CSF1R: variants seen among roughly 807,000 people sequenced by gnomAD.
CSF1R encodes the protein macrophage colony-stimulating factor 1 receptor.
A neutral mutation model predicts 110.0 loss-of-function variants in CSF1R; 40 were observed. The observed-to-expected ratio is 0.36, with a 90% CI of 0.28 to 0.47. CSF1R has a LOEUF of 0.47. CSF1R is among the 20% of genes least tolerant of loss of function. CSF1R has a pLI of 0.99. For missense variants in CSF1R, 1,052 were observed against 1,253.0 expected (o/e 0.84, Z 2.42); for synonymous variants, 523 against 503.4 (o/e 1.04, Z -0.52).
rs150843294 is a variant in CSF1R at position 150,085,148 on chromosome 5, G to A, written c.49+1231C>T. On this transcript the variant is annotated intron_variant, in intron 1 of 20. Coordinates refer to ENST00000675795, the MANE Select transcript of CSF1R (RefSeq NM_001288705.3). Reference sequence around the variant, plus strand: ...ACAAAAATTAGCCAGTCATGATGGTGTATGCCTGTAATCCCAGCTTGGGAG... The same window carrying A: ...ACAAAAATTAGCCAGTCATGATGGTATATGCCTGTAATCCCAGCTTGGGAG... Among the ~76,000 whole-genome samples, 188 of 151,990 alleles carry A rather than the reference G, an allele frequency of 1.2e-3. No homozygotes were observed. In the Middle Eastern group the frequency reaches 0.017, roughly 14 times the overall value.
At chr5:150,113,118 C>G (rs534015168) in intron 1 of CSF1R, 2 of 152,432 alleles carry the variant, frequency 1.3e-5, no homozygotes, top group South Asian at 4.1e-4. Flanking sequence ...GGCCTGGGCT[C>G]GGCAGGAGAG....
intron 10 of CSF1R, among the ~76,000 whole-genome samples, chr5:150,065,544 GC>G (rs956584989): frequency 6.6e-6 from 1 of 152,218 alleles, no homozygotes; most frequent in Non-Finnish European, 1.5e-5. Context: ...CTTTCCCCAG[GC>G]CTGGGCAATG....
chr5:150,054,145 C>A lies in CSF1R; in HGVS notation c.2843G>T (p.Ser948Ile), dbSNP rs1205127061. Residue 948 changes from serine (S) to isoleucine (I), a missense_variant, in exon 21 of 21, where the codon AGT becomes ATT. Physicochemically the swap from Ser to Ile is moderately radical, Grantham distance 142. This residue lies in a region of CSF1R where 85 missense variants were observed against 78.8 expected (regional missense o/e 1.08). Coordinates refer to ENST00000675795, the MANE Select transcript of CSF1R (RefSeq NM_001288705.3). ...TTGCTCGCAGCAGGTCAGGTGCTCA[C>A]TAGAGCTCTCCTCCTCCAGCTCACT... Reference protein sequence around the residue: ...SSSELEEESSSEHLTCCEQGD... With the variant: ...SSSELEEESSIEHLTCCEQGD... 1 of 1,613,842 alleles carries A rather than the reference C, an allele frequency of 6.2e-7. No individual in the cohort carries two copies. Among genetic ancestry groups the A allele is most frequent in the Admixed American group, 1.7e-5 (1 of 59,994 alleles).
At position 150,083,663 on chromosome 5, in the gene CSF1R, A is replaced by G. The variant is rs531657726; in HGVS notation, c.50-2639T>C. 6.1e-3 allele frequency among the ~76,000 whole-genome samples: 934 copies of G among 152,046 alleles called. 13 individuals carry two copies. The highest frequency in any genetic ancestry group is 0.021 in the African/African-American group (865 of 41,426). ...ATGCCCCTGTGAAGGGAAAATAAAA[A>G]CTTGGGACCCTAATTCACTCTGCCA... On this transcript the variant is annotated intron_variant, in intron 1 of 20. Transcript: ENST00000675795.
At chr5:150,107,032 C>T (rs561187382) in intron 1 of CSF1R, among the ~76,000 whole-genome samples, 1 of 152,344 alleles carries the variant, frequency 6.6e-6, no homozygotes, top group South Asian at 2.1e-4. Flanking sequence ...CCCTCTACAC[C>T]TGGCCCTGCC....
chr5:150,084,826 C>A (rs1758763277), intron 1 of CSF1R, among the ~76,000 whole-genome samples: 1 of 152,134 alleles, frequency 6.6e-6, no homozygotes, highest in Admixed American at 6.5e-5. Context: ...TTTTGCCCCA[C>A]AGGCAGGTTG....
chr5:150,090,507 T>C (rs1031771317), upstream of CSF1R, among the ~76,000 whole-genome samples: 4 of 152,206 alleles, frequency 2.6e-5, no homozygotes, highest in Non-Finnish European at 5.9e-5. Context: ...AGTTTTGCCT[T>C]TTCCACAATG....
Position 150,070,282 on chromosome 5 carries a change from T to C in CSF1R, c.1219A>G (p.Ile407Val). The change falls in exon 8 of 21, where the codon ATA becomes GTA. Residue 407 changes from isoleucine to valine, a missense_variant. By Grantham distance (29) the Ile-to-Val change is conservative. Around this residue, in one of 5 missense-constraint regions of CSF1R, gnomAD observed 693 missense variants for 735.4 expected, o/e 0.94. Coordinates refer to ENST00000675795, the MANE Select transcript of CSF1R (RefSeq NM_001288705.3). ...TLRYPPEVSV[I>V]WTFINGSGTL... Reference sequence around the variant, plus strand: ...CCAGAGCCGTTGATGAATGTCCATATGACGCTTACCTCTGGGGGGTCTGAG... The same window carrying C: ...CCAGAGCCGTTGATGAATGTCCATACGACGCTTACCTCTGGGGGGTCTGAG... 1 of 1,614,132 alleles carries C rather than the reference T, an allele frequency of 6.2e-7. No homozygotes were observed. Among genetic ancestry groups the C allele is most frequent in the Non-Finnish European group, 8.5e-7 (1 of 1,179,992 alleles).
rs1214786236 is a variant in CSF1R at position 150,086,368 on chromosome 5, T to C, written c.49+11A>G. On this transcript the variant is annotated intron_variant, in intron 1 of 20. Transcript: ENST00000675795. The stretch of plus-strand genomic sequence containing the variant: ...CCCAACAAAGTCCCCCACCCCCCGT[T>C]CTGCTCTTACCATGCCAAGCTGTGG... The C allele has an allele frequency of 6.2e-7, 1 of 1,603,446 alleles. No homozygotes were observed. The highest frequency in any genetic ancestry group is 8.5e-7 in the Non-Finnish European group (1 of 1,174,858).
chr5:150,096,452 A>T (rs992860478), intron 1 of CSF1R, among the ~76,000 whole-genome samples: 4 of 152,228 alleles, frequency 2.6e-5, no homozygotes, highest in Admixed American at 6.5e-5. Flanking sequence ...AGAATATAGC[A>T]TAGGAGAGAT....
Position 150,056,129 on chromosome 5 carries a change from C to T in CSF1R, c.2451G>A (p.Leu817=), listed in dbSNP as rs2113778766. 6.2e-7 allele frequency: 1 copy of T among 1,614,240 alleles called. No homozygotes were observed. Among genetic ancestry groups the T allele is most frequent in the Non-Finnish European group, 8.5e-7 (1 of 1,180,030 alleles). Residue 817 remains leucine, a synonymous_variant, in exon 18 of 21, where the codon CTG becomes CTA. Transcript: ENST00000675795. ...SNYIVKGNAR[L]PVKWMAPESI... ...TCTCTGGGGCCATCCACTTCACAGG[C>T]AGGCGGGCCTGGGATGACAGTCCCC... is the stretch of plus-strand genomic sequence containing the variant.
At position 150,053,567 on chromosome 5, in the gene CSF1R, G is replaced by T; in HGVS notation, c.*502C>A. On this transcript the variant is annotated 3_prime_UTR_variant, in exon 21 of 21. Coordinates refer to ENST00000675795, the MANE Select transcript of CSF1R (RefSeq NM_001288705.3). The stretch of plus-strand genomic sequence containing the variant: ...TATAGGGCAGAGACTAAGAGGTCCT[G>T]TGAGATTCTTAGAGGAGCCATCCTG... 4.0e-6 allele frequency: 1 copy of T among 248,306 alleles called. No individual in the cohort carries two copies. 15.4% of individuals were successfully genotyped at this position (248,306 alleles called of 1,614,324 possible).
At chr5:150,100,290 C>CATTTTT (rs1759364042) in intron 1 of CSF1R, among the ~76,000 whole-genome samples, 3 of 89,342 alleles carry the variant, frequency 3.4e-5, no homozygotes, top group African/African-American at 1.4e-4. Flanking sequence ...ATTGGCTAAC[C>CATTTTT]TTTTTTTTTT....
At chr5:150,068,093 C>T in intron 10 of CSF1R, 122 bp downstream of exon 10, 2 of 758,058 alleles carry the variant, frequency 2.6e-6, no homozygotes, top group South Asian at 3.3e-5. Flanking sequence ...TAGGCACCCA[C>T]TAAAGAGCTG....
intron 1 of CSF1R, among the ~76,000 whole-genome samples, chr5:150,110,820 TACTC>T (rs570940558): frequency 7.3e-4 from 111 of 152,250 alleles, no homozygotes; most frequent in African/African-American, 2.5e-3. Context: ...CATATAAAAA[TACTC>T]AAAGAAGACC....
chr5:150,056,418 C>T, intron 16 of CSF1R, 77 bp from the exon 17 acceptor site: 2 of 1,571,160 alleles, frequency 1.3e-6, no homozygotes, highest in East Asian at 2.3e-5. Flanking sequence ...GCAGGGAGGG[C>T]CCCACATGGC....
At chr5:150,102,081 A>T (rs1177603946) in intron 1 of CSF1R, among the ~76,000 whole-genome samples, 1 of 152,146 alleles carries the variant, frequency 6.6e-6, no homozygotes, top group Non-Finnish European at 1.5e-5. Context: ...CATTGCAAAC[A>T]ATGCTCAGTG....
chr5:150,075,977 A>G (rs1758243240), intron 5 of CSF1R, among the ~76,000 whole-genome samples: 2 of 152,140 alleles, frequency 1.3e-5, no homozygotes, highest in South Asian at 2.1e-4. Context: ...CGCCACCTCC[A>G]TCTCCCATAA....
intron 10 of CSF1R, among the ~76,000 whole-genome samples, chr5:150,063,137 T>G (rs1335451174): frequency 6.6e-6 from 1 of 151,742 alleles, no homozygotes; most frequent in African/African-American, 2.4e-5. Flanking sequence ...CCCACCTCAG[T>G]CTCCCAAGCA....
Sources: gnomAD v4.1 joint callset for allele counts (sites outside exome capture counted in the v4.1 genomes callset) on GRCh38, gnomAD v4.1.1 for gene constraint, gnomAD v4.1.1 regional missense constraint, MANE v1.5 for transcripts, NCBI Gene and HGNC (gene_info 2026-07-23, HGNC 2026-07-21) for gene names.